The following CCDC178 variants were observed in gnomAD, a reference collection of about 807,000 sequenced individuals.
CCDC178 encodes coiled-coil domain containing 178, also known as coiled-coil domain-containing protein 178.
In CCDC178, 126 loss-of-function variants were observed where a neutral mutation model predicts 117.4. The observed-to-expected ratio is 1.07, with a 90% CI of 0.93 to 1.24. The LOEUF (loss-of-function observed/expected upper bound fraction) is 1.24. Ranked by LOEUF, CCDC178 falls within the 50% of genes most tolerant of loss-of-function variation. The pLI, the probability that CCDC178 is intolerant of heterozygous loss-of-function variation, is 0.00. For synonymous variants in CCDC178, 283 were observed against 313.4 expected, an observed-to-expected ratio of 0.90 and a Z score of 1.02; for missense variants, 1,030 against 986.9, an observed-to-expected ratio of 1.04 and a Z score of -0.59.
chr18:33,330,323 A>G (rs2062649910), intron 10 of CCDC178, among the ~76,000 whole-genome samples: 1 of 152,012 alleles, frequency 6.6e-6, no homozygotes, highest in Admixed American at 6.6e-5. Context: ...CAGTTTCATG[A>G]TGGGGAATTA....
At chr18:33,222,189 G>T (rs183728116) in intron 18 of CCDC178, among the ~76,000 whole-genome samples, 1 of 151,758 alleles carries the variant, frequency 6.6e-6, no homozygotes, top group African/African-American at 2.4e-5. Context: ...ATTTTTTATT[G>T]TTTAATTTTG....
intron 21 of CCDC178, among the ~76,000 whole-genome samples, chr18:33,078,477 G>A (rs951167014): frequency 2.0e-5 from 3 of 152,108 alleles, no homozygotes; most frequent in Admixed American, 1.3e-4. Flanking sequence ...AACTAGGAAC[G>A]GAGGAAGTCA....
chr18:33,164,467 T>C (rs1467005943), intron 20 of CCDC178, among the ~76,000 whole-genome samples: 1 of 152,060 alleles, frequency 6.6e-6, no homozygotes, highest in Admixed American at 6.6e-5. Flanking sequence ...GGCTTTTGAT[T>C]GTATAGGTTG....
chr18:33,031,832 A>C (rs1020033028), intron 21 of CCDC178, among the ~76,000 whole-genome samples: 1 of 152,172 alleles, frequency 6.6e-6, no homozygotes, highest in African/African-American at 2.4e-5. Context: ...AAAAATAAAA[A>C]TATCTCTCAG....
intron 2 of CCDC178, among the ~76,000 whole-genome samples, chr18:33,420,057 T>G (rs927279301): frequency 2.6e-5 from 4 of 152,028 alleles, no homozygotes; most frequent in African/African-American, 9.7e-5. Flanking sequence ...TGCCCATCAA[T>G]AGTAGACTGG....
chr18:33,100,174 C>G (rs2057603470), intron 20 of CCDC178, among the ~76,000 whole-genome samples: 1 of 151,790 alleles, frequency 6.6e-6, no homozygotes. Flanking sequence ...ACCCCAGCTC[C>G]CAACTATATG....
At chr18:33,022,583 G>A (rs2056144504) in intron 21 of CCDC178, among the ~76,000 whole-genome samples, 1 of 152,008 alleles carries the variant, frequency 6.6e-6, no homozygotes, top group African/African-American at 2.4e-5. Context: ...GCTACACAGA[G>A]ATTCACTACA....
chr18:33,066,499 A>T (rs2057019239), intron 21 of CCDC178, among the ~76,000 whole-genome samples: 1 of 152,228 alleles, frequency 6.6e-6, no homozygotes, highest in Non-Finnish European at 1.5e-5. Context: ...GTCCCCATGT[A>T]TCAATAATAA....
Position 33,327,882 on chromosome 18 carries a change from T to C in CCDC178, c.880-4249A>G, listed in dbSNP as rs569975917. Among the ~76,000 whole-genome samples the C allele has an allele frequency of 4.6e-5, 7 of 152,206 alleles. No individual in the cohort carries two copies. The East Asian group carries it at 1.4e-3, about 29-fold the overall frequency. On this transcript the variant is annotated intron_variant, in intron 10 of 22. Transcript: ENST00000383096. ...TCAGTTGTCAAATTAGAAGAGTTCC[T>C]CATATATTCTGGGAACTATATCCGT...
rs140252708 is a variant in CCDC178, at chr18:33,185,397, C to T, written c.2238+26499G>A. ...GGATGAAAGGGGTAAGAGTACATTG[C>T]GAATACTGCTTTAAATCTTTGCAAA... On this transcript the variant is annotated intron_variant, in intron 20 of 22. Transcript: ENST00000383096. Among the ~76,000 whole-genome samples, 15 of 152,024 alleles carry T rather than the reference C, an allele frequency of 9.9e-5. No homozygotes were observed. In the East Asian group the frequency reaches 1.7e-3, roughly 18 times the overall value.
At chr18:33,079,548 C>A (rs1047103864) in intron 21 of CCDC178, among the ~76,000 whole-genome samples, 1 of 152,052 alleles carries the variant, frequency 6.6e-6, no homozygotes, top group Non-Finnish European at 1.5e-5. Flanking sequence ...GTTTAATATC[C>A]AGTGTCTGTA....
chr18:33,282,190 G>A lies in CCDC178; in HGVS notation c.1176+10969C>T, dbSNP rs576552086. On this transcript the variant is annotated intron_variant, in intron 12 of 22. Coordinates refer to ENST00000383096, the MANE Select transcript of CCDC178 (RefSeq NM_001105528.4). ...GCTAGGAGCAACTTGCTCTTGCCACGGGCCTCTGAAACCCGGCAGGAAGGG... is the reference window on the plus strand; with the variant it reads ...GCTAGGAGCAACTTGCTCTTGCCACAGGCCTCTGAAACCCGGCAGGAAGGG... Among the ~76,000 whole-genome samples, 14 of 152,268 alleles carry A rather than the reference G, an allele frequency of 9.2e-5. No homozygotes were observed. The South Asian group carries it at 2.5e-3, about 27-fold the overall frequency.
chr18:33,269,478 AAAC>A (rs368376459), intron 12 of CCDC178, among the ~76,000 whole-genome samples: 1 of 151,872 alleles, frequency 6.6e-6, no homozygotes, highest in African/African-American at 2.4e-5. Context: ...TGAAAGCAGG[AAAC>A]AACAACAATA....
chr18:33,154,997 T>C (rs1435945044), intron 20 of CCDC178, among the ~76,000 whole-genome samples: 1 of 152,106 alleles, frequency 6.6e-6, no homozygotes, highest in Non-Finnish European at 1.5e-5. Flanking sequence ...TTTATAGAAG[T>C]TGTAGAAAAG....
In CCDC178 at chr18:33,039,099, A is replaced by G. The variant is rs570017210; in HGVS notation, c.2388+53662T>C. Among the ~76,000 whole-genome samples the G allele has an allele frequency of 4.6e-5, 7 of 152,180 alleles. No homozygotes were observed. In the East Asian group the frequency reaches 1.2e-3, roughly 25 times the overall value. ...AGTTAAAAAAGGATGTTAAGAATGA[A>G]CAAAGAGACATGAAAATAAAACAAA... On this transcript the variant is annotated intron_variant, in intron 21 of 22. Coordinates refer to ENST00000383096, the MANE Select transcript of CCDC178 (RefSeq NM_001105528.4).
chr18:33,130,684 G>A (rs2144253748), intron 20 of CCDC178, among the ~76,000 whole-genome samples: 1 of 152,054 alleles, frequency 6.6e-6, no homozygotes, highest in South Asian at 2.1e-4. Context: ...AATTACCATG[G>A]CTGAGATTAA....
At chr18:33,359,971 A>G (rs1474816636) in intron 6 of CCDC178, among the ~76,000 whole-genome samples, 3 of 151,312 alleles carry the variant, frequency 2.0e-5, no homozygotes. Context: ...TAAATATTTT[A>G]ATGCTATTAT....
chr18:33,373,607 C>T (rs1056121480), intron 5 of CCDC178, among the ~76,000 whole-genome samples: 1 of 152,156 alleles, frequency 6.6e-6, no homozygotes, highest in African/African-American at 2.4e-5. Context: ...CTCTTTCAGA[C>T]ATTTGAGTGC....
chr18:33,146,235 C>T (rs143566983), intron 20 of CCDC178, among the ~76,000 whole-genome samples: 56 of 152,190 alleles, frequency 3.7e-4, no homozygotes, highest in Middle Eastern at 3.4e-3. Flanking sequence ...AGCTGTGTTT[C>T]GCAAAGTATT....
Sources: gnomAD v4.1 joint callset for allele counts (sites outside exome capture counted in the v4.1 genomes callset) on GRCh38, gnomAD v4.1.1 for gene constraint, MANE v1.5 for transcripts, NCBI Gene and HGNC (gene_info 2026-07-23, HGNC 2026-07-21) for gene names.